Variants in OSBP2 observed in about 807,000 individuals in gnomAD.
The protein encoded by OSBP2 is oxysterol-binding protein 2.
OSBP2 carries 66 observed loss-of-function variants against 96.0 expected under a neutral mutation model. The ratio of observed to expected loss-of-function variants is 0.69; its 90% CI spans 0.56 to 0.84. The LOEUF (loss-of-function observed/expected upper bound fraction) is 0.84, where lower values mean the gene tolerates loss of function less well. Ranked by LOEUF, OSBP2 falls within the 40% of genes least tolerant of loss-of-function variation. The pLI, the probability that OSBP2 is intolerant of heterozygous loss-of-function variation, is 0.00. For missense variants in OSBP2, 1,038 were observed against 1,222.7 expected (o/e 0.85, Z 2.25); for synonymous variants, 525 against 520.9 (o/e 1.01, Z -0.11).
chr22:30,702,434 C>A (rs199741150), intron 1 of OSBP2, among the ~76,000 whole-genome samples: 1 of 151,956 alleles, frequency 6.6e-6, no homozygotes, highest in Non-Finnish European at 1.5e-5. Flanking sequence ...ACCAACATGG[C>A]GAAATCCTGT....
In OSBP2 at chr22:30,881,656, AAGCACAC is replaced by A. The variant is rs1357986498; in HGVS notation, c.1108-5759_1108-5753del. 8.4e-6 allele frequency: 11 copies of A among 1,303,108 alleles called. No individual in the cohort carries two copies. The East Asian group carries it at 2.8e-4, about 33-fold the overall frequency. The allele number at this position is 1,303,108 out of a possible 1,614,324, so 80.7% of individuals were successfully genotyped here. A position where few individuals can be genotyped will look rare whatever the true frequency, so the allele number is the denominator to read the frequency against. On this transcript the variant is annotated intron_variant, in intron 3 of 13. Coordinates refer to ENST00000332585, the MANE Select transcript of OSBP2 (RefSeq NM_030758.4). This position sits in a 1 kb window ranked among gnomAD's most constrained non-coding sequence, Gnocchi z 4.5. The stretch of plus-strand genomic sequence containing the variant: ...GGCCCCAAGCCTAATCCAGCTTATC[AAGCACAC>A]AGCACACAGCCCAGCTCAGCATTCT...
At chr22:30,730,233 G>T (rs2089726432) in intron 1 of OSBP2, among the ~76,000 whole-genome samples, 2 of 152,074 alleles carry the variant, frequency 1.3e-5, no homozygotes, top group African/African-American at 2.4e-5. Context: ...GAAGTCCTGG[G>T]ATTACAGGCG....
At chr22:30,886,335 C>G (rs1377349390) in intron 3 of OSBP2, among the ~76,000 whole-genome samples, 1 of 152,156 alleles carries the variant, frequency 6.6e-6, no homozygotes, top group Non-Finnish European at 1.5e-5. Flanking sequence ...GTCTAAAGAC[C>G]TGGGATCAAT....
intron 2 of OSBP2, among the ~76,000 whole-genome samples, chr22:30,814,635 G>A (rs902028864): frequency 3.3e-5 from 5 of 151,664 alleles, no homozygotes; most frequent in Non-Finnish European, 5.9e-5. Context: ...CACCATGTTG[G>A]CCAGGCTGGT....
intron 2 of OSBP2, among the ~76,000 whole-genome samples, chr22:30,795,825 G>A (rs2090752687): frequency 6.6e-6 from 1 of 152,134 alleles, no homozygotes; most frequent in Admixed American, 6.5e-5. Context: ...AGCCTCCAGT[G>A]CATTCTTAGC....
At chr22:30,744,229 T>C (rs1378073725) in intron 2 of OSBP2, among the ~76,000 whole-genome samples, 1 of 152,170 alleles carries the variant, frequency 6.6e-6, no homozygotes, top group Non-Finnish European at 1.5e-5. Flanking sequence ...CTCAGGCTGA[T>C]GTGAGAGAGT....
chr22:30,778,241 A>T (rs1443466113), intron 2 of OSBP2, among the ~76,000 whole-genome samples: 1 of 146,090 alleles, frequency 6.8e-6, no homozygotes, highest in African/African-American at 2.5e-5. Flanking sequence ...AAATAAAAAC[A>T]ATGCCATGAT....
Position 30,741,243 on chromosome 22 carries a change from A to G in OSBP2, c.727A>G (p.Ile243Val). The G allele has an allele frequency of 6.2e-7, 1 of 1,614,138 alleles. No homozygotes were observed. Among genetic ancestry groups the G allele is most frequent in the South Asian group, 1.1e-5 (1 of 91,082 alleles). ...CATTGACACGGAGGACTCTTGTGGT[A>G]TCTTGCTGACCAGTGGGGCCAGGAG... ...AHIDTEDSCGILLTSGARSYH... is the reference protein window; with the variant it reads ...AHIDTEDSCGVLLTSGARSYH... The change falls in exon 2 of 14, where the codon ATC (isoleucine) becomes GTC (valine). Residue 243 changes from isoleucine to valine, a missense_variant. Physicochemically the swap from Ile to Val is conservative, Grantham distance 29 (BLOSUM62 3). This residue lies in a region of OSBP2 where 737 missense variants were observed against 913.3 expected (regional missense o/e 0.81). Transcript: ENST00000332585.
chr22:30,785,833 GCTCT>G (rs1447427751), intron 2 of OSBP2, among the ~76,000 whole-genome samples: 3 of 151,990 alleles, frequency 2.0e-5, no homozygotes, highest in Admixed American at 6.6e-5. Context: ...CTATGCTCCT[GCTCT>G]CTCTCTCCTG....
chr22:30,894,777 C>T (rs1463940029), intron 12 of OSBP2, among the ~76,000 whole-genome samples: 1 of 152,238 alleles, frequency 6.6e-6, no homozygotes. Context: ...TTCCGAGGAG[C>T]TGTCCCCTTA....
chr22:30,872,506 T>A, intron 3 of OSBP2: 1 of 389,268 alleles, frequency 2.6e-6, no homozygotes, highest in Non-Finnish European at 5.1e-6. Flanking sequence ...AAGTGCCTAA[T>A]GAATTGTTTT....
intron 2 of OSBP2, among the ~76,000 whole-genome samples, chr22:30,813,171 CTTTTT>C (rs911860511): frequency 1.3e-5 from 1 of 78,588 alleles, no homozygotes; most frequent in African/African-American, 5.1e-5. Context: ...ATGTTGCATT[CTTTTT>C]TTTTTTTTTT....
At chr22:30,785,566 C>CAA (rs762870932) in intron 2 of OSBP2, among the ~76,000 whole-genome samples, 50 of 47,978 alleles carry the variant, frequency 1.0e-3, no homozygotes, top group African/African-American at 4.4e-3. Context: ...GACTTCGTCT[C>CAA]AAAAAAAAAA....
At chr22:30,787,187 A>G (rs777153680) in intron 2 of OSBP2, among the ~76,000 whole-genome samples, 2 of 152,152 alleles carry the variant, frequency 1.3e-5, no homozygotes, top group Non-Finnish European at 2.9e-5. Flanking sequence ...GTAATTTATA[A>G]AGGAAAGGGG....
At chr22:30,759,166 G>A (rs1430294639) in intron 2 of OSBP2, among the ~76,000 whole-genome samples, 3 of 151,882 alleles carry the variant, frequency 2.0e-5, no homozygotes, top group Admixed American at 6.6e-5. Context: ...TGGCCAACAC[G>A]GTGAAACCCC....
At chr22:30,861,489 T>C (rs2039209992) in intron 2 of OSBP2, among the ~76,000 whole-genome samples, 1 of 152,182 alleles carries the variant, frequency 6.6e-6, no homozygotes, top group African/African-American at 2.4e-5. Flanking sequence ...CCCCGAGAAC[T>C]GAGATGACAC....
chr22:30,837,486 TG>T (rs1292437971), intron 2 of OSBP2, among the ~76,000 whole-genome samples: 1 of 152,214 alleles, frequency 6.6e-6, no homozygotes, highest in Non-Finnish European at 1.5e-5. Flanking sequence ...AGGTAGCTTG[TG>T]GCTTCCAAGA....
chr22:30,845,753 G>A (rs1250072063), intron 2 of OSBP2, among the ~76,000 whole-genome samples: 3 of 151,718 alleles, frequency 2.0e-5, no homozygotes, highest in Non-Finnish European at 4.4e-5. Context: ...GTGGTGGCAC[G>A]TGCCTGTAAT....
At chr22:30,766,145 C>G (rs763892758) in intron 2 of OSBP2, among the ~76,000 whole-genome samples, 3 of 152,072 alleles carry the variant, frequency 2.0e-5, no homozygotes, top group Non-Finnish European at 4.4e-5. Flanking sequence ...TGAGGTGGGG[C>G]GATCACTTGA....
Sources: gnomAD v4.1 joint callset for allele counts (sites outside exome capture counted in the v4.1 genomes callset) on GRCh38, gnomAD v4.1.1 for gene constraint, gnomAD v4.1.1 regional missense constraint, Gnocchi (gnomAD v3.1) non-coding constraint, MANE v1.5 for transcripts, NCBI Gene and HGNC (gene_info 2026-07-23, HGNC 2026-07-21) for gene names.